The following AMBRA1 variants were observed in gnomAD, a reference collection of about 807,000 sequenced individuals.
AMBRA1 encodes activating molecule in BECN1-regulated autophagy protein 1.
AMBRA1 carries 47 observed loss-of-function variants against 125.4 expected under a neutral mutation model. The ratio of observed to expected loss-of-function variants is 0.37; its 90% CI spans 0.30 to 0.48. The LOEUF (loss-of-function observed/expected upper bound fraction) is 0.48. AMBRA1 is among the 20% of genes least tolerant of loss of function. The pLI is 0.99. For missense variants in AMBRA1, 1,331 were observed against 1,693.4 expected (o/e 0.79, Z 3.76); for synonymous variants, 626 against 655.5 (o/e 0.95, Z 0.69).
chr11:46,580,764 A>G (rs1347630080), intron 1 of AMBRA1, among the ~76,000 whole-genome samples: 2 of 151,960 alleles, frequency 1.3e-5, no homozygotes, highest in African/African-American at 4.8e-5. Context: ...CCCTCCCCAC[A>G]ATGTACCCAC....
chr11:46,490,212 G>A (rs1262393221), intron 11 of AMBRA1, among the ~76,000 whole-genome samples: 1 of 152,162 alleles, frequency 6.6e-6, no homozygotes, highest in East Asian at 1.9e-4. Context: ...ACCTGGTAGA[G>A]CTGCAATAGC....
chr11:46,558,109 A>G (rs2043212218), intron 1 of AMBRA1, among the ~76,000 whole-genome samples: 1 of 152,180 alleles, frequency 6.6e-6, no homozygotes, highest in African/African-American at 2.4e-5. Context: ...ACAAAGCACA[A>G]CTGATGTTAC....
intron 9 of AMBRA1, among the ~76,000 whole-genome samples, chr11:46,506,767 T>G (rs1231976175): frequency 1.3e-5 from 2 of 152,260 alleles, no homozygotes; most frequent in South Asian, 2.1e-4. Flanking sequence ...AATGTTCAAT[T>G]TGATACAGGC....
chr11:46,579,680 T>C (rs1233489756), intron 1 of AMBRA1, among the ~76,000 whole-genome samples: 2 of 152,300 alleles, frequency 1.3e-5, no homozygotes, highest in East Asian at 3.9e-4. Context: ...CTTACTGTCT[T>C]AGAGTATACT....
chr11:46,516,162 C>T (rs138977968), intron 7 of AMBRA1, among the ~76,000 whole-genome samples: 1 of 152,288 alleles, frequency 6.6e-6, no homozygotes, highest in Non-Finnish European at 1.5e-5. Flanking sequence ...GCAACATTTG[C>T]TGCCCAGACA....
chr11:46,438,712 C>T (rs1947850843), intron 12 of AMBRA1, among the ~76,000 whole-genome samples: 2 of 152,146 alleles, frequency 1.3e-5, no homozygotes, highest in Non-Finnish European at 2.9e-5. Context: ...CGCCGGGTTT[C>T]TTAAGGCCTA....
chr11:46,559,308 A>AC (rs2043255942), intron 1 of AMBRA1, among the ~76,000 whole-genome samples: 1 of 151,998 alleles, frequency 6.6e-6, no homozygotes, highest in Non-Finnish European at 1.5e-5. Flanking sequence ...CAAAAAAAAA[A>AC]AGAAAGAAAA....
intron 7 of AMBRA1, among the ~76,000 whole-genome samples, chr11:46,523,382 T>C (rs1188312691): frequency 6.6e-6 from 1 of 152,174 alleles, no homozygotes; most frequent in Non-Finnish European, 1.5e-5. Context: ...GAAATTGTCA[T>C]AAACGACACC....
chr11:46,555,888 T>C (rs1025282822), intron 1 of AMBRA1, among the ~76,000 whole-genome samples: 7 of 152,250 alleles, frequency 4.6e-5, no homozygotes, highest in Non-Finnish European at 1.0e-4. Flanking sequence ...TCCAATCTCC[T>C]TATTTATTTG....
intron 11 of AMBRA1, among the ~76,000 whole-genome samples, chr11:46,465,573 A>G (rs1949288618): frequency 6.6e-6 from 1 of 152,210 alleles, no homozygotes. Flanking sequence ...GCTAAGATAT[A>G]TCACAGAGGA....
intron 14 of AMBRA1, chr11:46,428,760 C>T: frequency 1.2e-6 from 2 of 1,610,776 alleles, no homozygotes; most frequent in Non-Finnish European, 1.7e-6. Context: ...GGTGGCACAG[C>T]ACTCCGTCTG....
At chr11:46,482,693 C>T (rs958396614) in intron 11 of AMBRA1, among the ~76,000 whole-genome samples, 3 of 152,182 alleles carry the variant, frequency 2.0e-5, no homozygotes, top group Admixed American at 2.0e-4. Flanking sequence ...TTTTTGGCTT[C>T]TACTTTACCA....
intron 1 of AMBRA1, among the ~76,000 whole-genome samples, chr11:46,581,357 C>CCAG (rs2044162374): frequency 6.6e-6 from 1 of 151,920 alleles, no homozygotes; most frequent in South Asian, 2.1e-4. Context: ...ACCTGTAATC[C>CCAG]CAGCACTTTG....
chr11:46,563,987 A>C (rs2135248140), intron 1 of AMBRA1, among the ~76,000 whole-genome samples: 1 of 151,984 alleles, frequency 6.6e-6, no homozygotes, highest in East Asian at 1.9e-4. Flanking sequence ...TCTACTAAAA[A>C]TACAAAATTA....
chr11:46,424,256 T>C (rs1247428342), intron 14 of AMBRA1, among the ~76,000 whole-genome samples: 1 of 152,154 alleles, frequency 6.6e-6, no homozygotes, highest in African/African-American at 2.4e-5. Context: ...GCCTTTTTTT[T>C]TTTTTAATTT....
intron 9 of AMBRA1, among the ~76,000 whole-genome samples, chr11:46,501,574 AC>A (rs1290420372): frequency 6.6e-6 from 1 of 152,262 alleles, no homozygotes; most frequent in Non-Finnish European, 1.5e-5. Context: ...GTCTCAGGGC[AC>A]TGACCATATT....
chr11:46,585,173 A>G (rs1005613115), intron 1 of AMBRA1, among the ~76,000 whole-genome samples: 1 of 151,988 alleles, frequency 6.6e-6, no homozygotes, highest in African/African-American at 2.4e-5. Context: ...AAGAGTCATC[A>G]CCACTCCCTA....
At chr11:46,501,395 C>T (rs1403584384) in intron 9 of AMBRA1, among the ~76,000 whole-genome samples, 1 of 152,182 alleles carries the variant, frequency 6.6e-6, no homozygotes, top group Admixed American at 6.5e-5. Flanking sequence ...GGCATCCTGT[C>T]CAGGGCAGGT....
At chr11:46,478,647 TC>T (rs1286405315) in intron 11 of AMBRA1, among the ~76,000 whole-genome samples, 2 of 85,960 alleles carry the variant, frequency 2.3e-5, no homozygotes, top group East Asian at 3.6e-4. Flanking sequence ...TTCTTTTTTC[TC>T]TTTTTTTTTT....
Sources: gnomAD v4.1 joint callset for allele counts (sites outside exome capture counted in the v4.1 genomes callset) on GRCh38, gnomAD v4.1.1 for gene constraint, MANE v1.5 for transcripts, NCBI Gene and HGNC (gene_info 2026-07-23, HGNC 2026-07-21) for gene names.